SPTBN4: variants seen among roughly 807,000 people sequenced by gnomAD.
SPTBN4 encodes the protein spectrin beta, non-erythrocytic 4, also known as spectrin beta chain, non-erythrocytic 4.
SPTBN4 carries 96 observed loss-of-function variants against 277.8 expected under a neutral mutation model. The observed-to-expected ratio is 0.35, with a 90% CI of 0.29 to 0.41. The LOEUF is 0.41. Among genes scored for constraint, SPTBN4 ranks in the 10% least tolerant of loss-of-function variants. The pLI, the probability that SPTBN4 is intolerant of heterozygous loss-of-function variation, is 1.00. For missense variants in SPTBN4, 3,006 were observed against 3,595.7 expected, an observed-to-expected ratio of 0.84 and a Z score of 4.19; for synonymous variants, 1,481 against 1,580.3, an observed-to-expected ratio of 0.94 and a Z score of 1.49.
At chr19:40,559,783 G>A (rs746719895) in intron 26 of SPTBN4, among the ~76,000 whole-genome samples, 11 of 151,920 alleles carry the variant, frequency 7.2e-5, no homozygotes, top group South Asian at 2.1e-4. Flanking sequence ...CTATGAAGGA[G>A]TGGGTTTGAA....
intron 27 of SPTBN4, among the ~76,000 whole-genome samples, chr19:40,563,902 C>T (rs1019174901): frequency 2.0e-5 from 3 of 151,432 alleles, no homozygotes; most frequent in Non-Finnish European, 2.9e-5. Flanking sequence ...AAAAAATTAG[C>T]CAGGCTTGGT....
intron 21 of SPTBN4, 95 bp downstream of exon 21, chr19:40,549,508 A>T (rs1003682416): frequency 4.0e-6 from 4 of 994,864 alleles, no homozygotes; most frequent in African/African-American, 1.7e-5. Flanking sequence ...GACGGCTGAG[A>T]CCCTCCCACT....
rs2080404844 is a variant in SPTBN4 at position 40,512,719 on chromosome 19, C to T, written c.1930C>T (p.Arg644Trp). The T allele has an allele frequency of 6.6e-7, 1 of 1,523,294 alleles. No homozygotes were observed. The highest frequency in any genetic ancestry group is 8.8e-7 in the Non-Finnish European group (1 of 1,142,228). The allele number at this position is 1,523,294 out of a possible 1,614,324, so 94.4% of individuals were successfully genotyped here. ...GCGACGCGCGGAGCTGGAGGCTTCG[C>T]GGAGCCTGTGGGCGCTGCTGCAGGA... Reference protein sequence around the residue: ...ARRRAELEASRSLWALLQELE... With the variant: ...ARRRAELEASWSLWALLQELE... The change falls in exon 14 of 36, where the codon CGG becomes TGG. Residue 644 changes from arginine (R) to tryptophan (W), a missense_variant. Physicochemically the swap from Arg to Trp is moderately radical, Grantham distance 101 (BLOSUM62 -3). Around this residue, in one of 5 missense-constraint regions of SPTBN4, gnomAD observed 1,759 missense variants for 2,061.5 expected, o/e 0.85. Coordinates refer to ENST00000598249, the MANE Select transcript of SPTBN4 (RefSeq NM_020971.3).
chr19:40,561,148 G>A (rs1222471104), intron 27 of SPTBN4, among the ~76,000 whole-genome samples: 2 of 152,038 alleles, frequency 1.3e-5, no homozygotes, highest in Non-Finnish European at 2.9e-5. Context: ...CAAGTAGCTG[G>A]GACTACAGGC....
chr19:40,492,598 G>A (rs889401683), intron 4 of SPTBN4, among the ~76,000 whole-genome samples: 4 of 152,106 alleles, frequency 2.6e-5, no homozygotes, highest in Non-Finnish European at 2.9e-5. Context: ...TTGAGTGTTC[G>A]CAGGGTCCCT....
chr19:40,519,581 G>A lies in SPTBN4; in HGVS notation c.3084G>A (p.Glu1028=), dbSNP rs750244109. 6.7e-7 allele frequency: 1 copy of A among 1,501,698 alleles called. No individual in the cohort carries two copies. The highest frequency in any genetic ancestry group is 2.5e-5 in the Admixed American group (1 of 39,712). The allele number at this position is 1,501,698 out of a possible 1,614,324, so 93.0% of individuals were successfully genotyped here. The change falls in exon 16 of 36, where the codon GAG becomes GAA. Residue 1028 remains glutamate, a synonymous_variant. Transcript: ENST00000598249. The surrounding 1 kb of genome is among the most constrained non-coding windows in gnomAD (Gnocchi z 5.7). ...TGCAGTGGCGTCTTAGCGGCCTAGA[G>A]GCCGCTCTGCAGGCGCTGGAGCCGC... ...GALQWRLSGL[E]AALQALEPRQ...
At chr19:40,556,895 G>A (rs2080984913) in intron 25 of SPTBN4, 128 bp from the exon 26 acceptor site, 5 of 1,264,084 alleles carry the variant, frequency 4.0e-6, no homozygotes, top group South Asian at 1.9e-5. Flanking sequence ...ACCACTGCAC[G>A]CCAACCTGGG....
chr19:40,513,813 G>A (rs915041927), intron 14 of SPTBN4, among the ~76,000 whole-genome samples: 2 of 152,110 alleles, frequency 1.3e-5, no homozygotes, highest in Non-Finnish European at 2.9e-5. Flanking sequence ...TGCAGAATAC[G>A]AAGCAAATGC....
chr19:40,473,576 C>T (rs1227420229), intron 2 of SPTBN4, among the ~76,000 whole-genome samples: 1 of 149,136 alleles, frequency 6.7e-6, no homozygotes, highest in Non-Finnish European at 1.5e-5. Context: ...AGGCTGGTCT[C>T]GAACTCCCAA....
intron 20 of SPTBN4, among the ~76,000 whole-genome samples, chr19:40,536,238 G>A (rs2080734331): frequency 6.6e-6 from 1 of 151,068 alleles, no homozygotes; most frequent in Non-Finnish European, 1.5e-5. Flanking sequence ...TCCTTCGTTG[G>A]AGTCTTGCTC....
intron 20 of SPTBN4, among the ~76,000 whole-genome samples, chr19:40,535,438 A>T (rs1363400924): frequency 6.6e-6 from 1 of 152,070 alleles, no homozygotes; most frequent in Non-Finnish European, 1.5e-5. Context: ...GTGAGAGGTG[A>T]ACTTACTTGT....
intron 32 of SPTBN4, 84 bp downstream of exon 32, chr19:40,569,810 GC>G (rs1187694466): frequency 7.4e-7 from 1 of 1,349,882 alleles, no homozygotes. Flanking sequence ...CCAGTGCCTA[GC>G]CCTGGCAGGA....
At chr19:40,548,330 A>C (rs1231986666) in intron 20 of SPTBN4, among the ~76,000 whole-genome samples, 1 of 152,108 alleles carries the variant, frequency 6.6e-6, no homozygotes, top group African/African-American at 2.4e-5. Flanking sequence ...TCTACTAAAA[A>C]TACAAAAAAA....
chr19:40,495,089 T>C lies in SPTBN4; in HGVS notation c.668+112T>C, dbSNP rs1599729359. 3.2e-6 allele frequency: 3 copies of C among 927,808 alleles called. No homozygotes were observed. The East Asian group carries it at 7.7e-5, about 24-fold the overall frequency. 57.5% of individuals were successfully genotyped at this position (927,808 alleles called of 1,614,324 possible). A position where few individuals can be genotyped will look rare whatever the true frequency, so the allele number is the denominator to read the frequency against. On this transcript the variant is annotated intron_variant, in intron 6 of 35. Coordinates refer to ENST00000598249, the MANE Select transcript of SPTBN4 (RefSeq NM_020971.3). ...TGGCACACACAGACATAAAGACCCA[T>C]CCCTTCACCTCTACACACACATACA...
chr19:40,570,704 A>T lies in SPTBN4; in HGVS notation c.7295A>T (p.Asp2432Val), dbSNP rs755613001. Residue 2432 changes from aspartate (D) to valine (V), a missense_variant, in exon 33 of 36, where the codon GAC becomes GTC. Around this residue, in one of 5 missense-constraint regions of SPTBN4, gnomAD observed 630 missense variants for 677.6 expected, o/e 0.93. Coordinates refer to ENST00000598249, the MANE Select transcript of SPTBN4 (RefSeq NM_020971.3). ...EGFLLRKREL[D>V]ANRKSSNRSW... The stretch of plus-strand genomic sequence containing the variant: ...TTCCTACTGCGCAAGCGCGAGCTCG[A>T]CGCTAACCGCAAGTCGTCCAACCGG... 6.2e-7 allele frequency: 1 copy of T among 1,608,442 alleles called. No individual in the cohort carries two copies. The highest frequency in any genetic ancestry group is 1.7e-5 in the Admixed American group (1 of 59,668).
chr19:40,528,964 T>C, intron 17 of SPTBN4, 77 bp from the exon 18 acceptor site: 1 of 1,088,480 alleles, frequency 9.2e-7, no homozygotes, highest in Non-Finnish European at 1.4e-6. Flanking sequence ...CCCAGCCCAG[T>C]GCCCTCACAG....
At position 40,556,192 on chromosome 19, in the gene SPTBN4, G is replaced by C; in HGVS notation, c.5193G>C (p.Gln1731His). Reference protein sequence around the residue: ...VALEQQYWLYQLSRQVSELEH... With the variant: ...VALEQQYWLYHLSRQVSELEH... ...TGGAACAGCAGTACTGGCTGTACCA[G>C]CTCAGCCGCCAGGTGAGCGAGCTTG... The change falls in exon 25 of 36, where the codon CAG (glutamine) becomes CAC (histidine). Residue 1731 changes from glutamine to histidine, a missense_variant. By Grantham distance (24) the Gln-to-His change is conservative. This residue lies in a region of SPTBN4 where 425 missense variants were observed against 594.7 expected (regional missense o/e 0.71). Transcript: ENST00000598249. The C allele has an allele frequency of 6.2e-7, 1 of 1,613,672 alleles. No individual in the cohort carries two copies.
chr19:40,487,692 TC>T lies in SPTBN4; in HGVS notation c.170-3del. ...CCTGGGGGCTCATCAGGGCCTCTCC[TC>T]CAGATGAGCGGGAAGCCGTGCAGAA... On this transcript the variant is annotated splice_polypyrimidine_tract_variant and splice_region_variant and intron_variant, in intron 2 of 35. Coordinates refer to ENST00000598249, the MANE Select transcript of SPTBN4 (RefSeq NM_020971.3). The T allele has an allele frequency of 1.9e-6, 3 of 1,609,784 alleles. No individual in the cohort carries two copies. The highest frequency in any genetic ancestry group is 2.5e-6 in the Non-Finnish European group (3 of 1,177,858).
Position 40,519,960 on chromosome 19 carries a change from G to C in SPTBN4, c.3463G>C (p.Ala1155Pro), listed in dbSNP as rs2145877099. ...DYARIVAASE[A>P]LLAADGAELG... ...TGCTCGCATCGTGGCGGCCAGCGAG[G>C]CGCTGCTGGCCGCCGACGGCGCAGA... is the stretch of plus-strand genomic sequence containing the variant. The change falls in exon 16 of 36, where the codon GCG (alanine) becomes CCG (proline). Residue 1155 changes from alanine (A) to proline (P), a missense_variant. Physicochemically the swap from Ala to Pro is conservative, Grantham distance 27. Transcript: ENST00000598249. This position sits in a 1 kb window ranked among gnomAD's most constrained non-coding sequence, Gnocchi z 5.7. 6.5e-7 allele frequency: 1 copy of C among 1,542,394 alleles called. No homozygotes were observed. Among genetic ancestry groups the C allele is most frequent in the East Asian group, 2.4e-5 (1 of 41,286 alleles).
Sources: allele counts gnomAD v4.1 joint callset (sites outside exome capture counted in the v4.1 genomes callset), GRCh38; gene constraint gnomAD v4.1.1; regional missense constraint gnomAD v4.1.1; non-coding constraint Gnocchi (gnomAD v3.1); transcripts MANE v1.5; gene names NCBI Gene and HGNC (gene_info 2026-07-23, HGNC 2026-07-21).